Variants in WSCD1 observed in about 807,000 individuals in gnomAD.
The protein encoded by WSCD1 is WSC domain sialate O sulfotransferase 1, also known as sialate:O-sulfotransferase 1.
In WSCD1, 41 loss-of-function variants were observed where a neutral mutation model predicts 60.4. The ratio of observed to expected loss-of-function variants is 0.68; its 90% CI spans 0.53 to 0.88. WSCD1 has a LOEUF of 0.88. Ranked by LOEUF, WSCD1 falls within the 40% of genes least tolerant of loss-of-function variation. The pLI, the probability that WSCD1 is intolerant of heterozygous loss-of-function variation, is 0.00. For missense variants in WSCD1, 784 were observed against 796.2 expected (o/e 0.98, Z 0.18); for synonymous variants, 361 against 332.5 (o/e 1.09, Z -0.93).
rs189838938 is a variant in WSCD1, at chr17:6,122,721, C to T, written c.*2060C>T. 203 of 152,376 alleles carry T rather than the reference C, an allele frequency of 1.3e-3. 1 individual carries two copies. In the Middle Eastern group the frequency reaches 0.024, roughly 18 times the overall value. 9.4% of individuals were successfully genotyped at this position (152,376 alleles called of 1,614,324 possible). On this transcript the variant is annotated 3_prime_UTR_variant, in exon 9 of 9. Transcript: ENST00000317744. The stretch of plus-strand genomic sequence containing the variant: ...GTCTGGGGAGAGCAACAGCACCAGG[C>T]TTTTCCTGGTAGTTGGATTGGTACA...
In WSCD1 at chr17:6,101,931, T is replaced by C. The variant is rs1910825739; in HGVS notation, c.849+6708T>C. 6.6e-6 allele frequency among the ~76,000 whole-genome samples: 1 copy of C among 152,168 alleles called. No individual in the cohort carries two copies. The highest frequency in any genetic ancestry group is 1.5e-5 in the Non-Finnish European group (1 of 68,034). ...GGCTGATGAGCGAAATCTAACACCATCTGCAAATAGGTTACTAATGTGAGA... is the reference window on the plus strand; with the variant it reads ...GGCTGATGAGCGAAATCTAACACCACCTGCAAATAGGTTACTAATGTGAGA... On this transcript the variant is annotated intron_variant, in intron 5 of 8. Coordinates refer to ENST00000317744, the MANE Select transcript of WSCD1 (RefSeq NM_015253.2). This position sits in a 1 kb window ranked among gnomAD's most constrained non-coding sequence, Gnocchi z 4.1.
chr17:6,118,566 T>C lies in WSCD1; in HGVS notation c.1375+378T>C, dbSNP rs938381298. Among the ~76,000 whole-genome samples, 45 of 152,182 alleles carry C rather than the reference T, an allele frequency of 3.0e-4. No individual in the cohort carries two copies. The highest frequency in any genetic ancestry group is 5.9e-4 in the Non-Finnish European group (40 of 68,022). ...CACATGGGGTGCACATGGACCTGCT[T>C]TGCACCTTCCTCTGTGTTCAGCACC... On this transcript the variant is annotated intron_variant, in intron 8 of 8. Transcript: ENST00000317744. The surrounding 1 kb of genome is among the most constrained non-coding windows in gnomAD (Gnocchi z 5.8).
At chr17:6,086,793 A>G (rs1909680919) in intron 2 of WSCD1, among the ~76,000 whole-genome samples, 1 of 152,172 alleles carries the variant, frequency 6.6e-6, no homozygotes. Flanking sequence ...GCCCTGGACC[A>G]GGCTCTTGGC....
At position 6,101,288 on chromosome 17, in the gene WSCD1, T is replaced by A. The variant is rs978034038; in HGVS notation, c.849+6065T>A. 4.6e-5 allele frequency among the ~76,000 whole-genome samples: 7 copies of A among 152,066 alleles called. No homozygotes were observed. The highest frequency in any genetic ancestry group is 8.8e-5 in the Non-Finnish European group (6 of 68,018). ...TGGACTATAATACAACCATTGAAAA[T>A]GTTTTCAAAGACTTTGATGATGGAA... On this transcript the variant is annotated intron_variant, in intron 5 of 8. Transcript: ENST00000317744. This position sits in a 1 kb window ranked among gnomAD's most constrained non-coding sequence, Gnocchi z 4.1.
chr17:6,074,749 T>C (rs373864482), intron 1 of WSCD1, among the ~76,000 whole-genome samples: 3 of 152,374 alleles, frequency 2.0e-5, no homozygotes, highest in African/African-American at 7.2e-5. Flanking sequence ...GTGAGGGTGC[T>C]TGACGCCTCT....
chr17:6,072,415 G>C (rs1384136116), intron 1 of WSCD1, among the ~76,000 whole-genome samples: 1 of 152,200 alleles, frequency 6.6e-6, no homozygotes, highest in African/African-American at 2.4e-5. Context: ...AGAGCCTCCA[G>C]GCCCTGATGG....
chr17:6,075,026 G>A lies in WSCD1; in HGVS notation c.-289+4374G>A, dbSNP rs539701487. ...GAGGCTCCTGCATGTACTCTGCCCG[G>A]GTCCTGAAGCTGAGACCCCCTGGCT... On this transcript the variant is annotated intron_variant, in intron 1 of 8. Coordinates refer to ENST00000317744, the MANE Select transcript of WSCD1 (RefSeq NM_015253.2). The surrounding 1 kb of genome is among the most constrained non-coding windows in gnomAD (Gnocchi z 4.1). 6.6e-6 allele frequency among the ~76,000 whole-genome samples: 1 copy of A among 152,106 alleles called. No homozygotes were observed. Among genetic ancestry groups the A allele is most frequent in the African/African-American group, 2.4e-5 (1 of 41,422 alleles).
At position 6,120,408 on chromosome 17, in the gene WSCD1, A is replaced by G. The variant is rs751369308; in HGVS notation, c.1475A>G (p.Glu492Gly). ...GKRLLVVHYE[E>G]LRRSLVPTLR... ...CGGCTGCTGGTGGTGCACTACGAGG[A>G]GCTGCGGCGCAGCCTGGTGCCCACG... Residue 492 changes from glutamate to glycine, a missense_variant, in exon 9 of 9, where the codon GAG (glutamate) becomes GGG (glycine). By Grantham distance (98) the Glu-to-Gly change is moderately conservative. Transcript: ENST00000317744. 6.2e-7 allele frequency: 1 copy of G among 1,613,918 alleles called. No individual in the cohort carries two copies. The highest frequency in any genetic ancestry group is 1.3e-5 in the African/African-American group (1 of 74,930).
rs1911592549 is a variant in WSCD1 at position 6,114,549 on chromosome 17, A to G, written c.1175-3439A>G. Among the ~76,000 whole-genome samples the G allele has an allele frequency of 2.0e-5, 3 of 152,168 alleles. No homozygotes were observed. The South Asian group carries it at 6.2e-4, about 32-fold the overall frequency. On this transcript the variant is annotated intron_variant, in intron 7 of 8. Transcript: ENST00000317744. ...ATGATAAATGTTTGAGGCGATGGAT[A>G]TCCTAATTACTTTGATTTGATTATT... is the stretch of plus-strand genomic sequence containing the variant.
chr17:6,111,873 A>T (rs116358634), intron 7 of WSCD1, among the ~76,000 whole-genome samples: 8 of 152,186 alleles, frequency 5.3e-5, no homozygotes, highest in African/African-American at 1.9e-4. Flanking sequence ...ACAAATAGAC[A>T]ATTCAATGAA....
chr17:6,115,380 T>C (rs949672179), intron 7 of WSCD1, among the ~76,000 whole-genome samples: 1 of 152,210 alleles, frequency 6.6e-6, no homozygotes, highest in Admixed American at 6.5e-5. Flanking sequence ...ATAAAAAATG[T>C]CCAAAAATCT....
chr17:6,071,355 T>C (rs780312537), intron 1 of WSCD1, among the ~76,000 whole-genome samples: 20 of 152,070 alleles, frequency 1.3e-4, no homozygotes, highest in Non-Finnish European at 2.8e-4. Context: ...TTTGTGCGCC[T>C]GGGATGATGC....
chr17:6,109,733 G>A lies in WSCD1; in HGVS notation c.976G>A (p.Glu326Lys), dbSNP rs1317896671. 1 of 1,614,110 alleles carries A rather than the reference G, an allele frequency of 6.2e-7. No individual in the cohort carries two copies. ...GQDPEAQRLA[E>K]YCEVYQTPVQ... ...GGACCCTGAGGCACAGAGGCTGGCAGAATACTGTGAGGTCTACCAGACACC... is the reference window on the plus strand; with the variant it reads ...GGACCCTGAGGCACAGAGGCTGGCAAAATACTGTGAGGTCTACCAGACACC... Residue 326 changes from glutamate (E) to lysine (K), a missense_variant, in exon 6 of 9, where the codon GAA becomes AAA. Coordinates refer to ENST00000317744, the MANE Select transcript of WSCD1 (RefSeq NM_015253.2).
upstream of WSCD1, among the ~76,000 whole-genome samples, chr17:6,069,870 G>T (rs62053863): frequency 6.6e-6 from 1 of 151,084 alleles, no homozygotes; most frequent in South Asian, 2.1e-4. Flanking sequence ...GTACGTGTGC[G>T]TGCCTGTCAC....
chr17:6,091,910 A>G (rs1274963375), intron 4 of WSCD1, among the ~76,000 whole-genome samples: 1 of 152,178 alleles, frequency 6.6e-6, no homozygotes, highest in African/African-American at 2.4e-5. Flanking sequence ...TAATCCCAGC[A>G]CTTTGGGAGG....
chr17:6,073,240 C>T (rs1908651600), intron 1 of WSCD1, among the ~76,000 whole-genome samples: 2 of 152,222 alleles, frequency 1.3e-5, no homozygotes, highest in African/African-American at 4.8e-5. Context: ...CACCTGTTTA[C>T]CTTCCAGATT....
At chr17:6,088,292 G>C (rs187265228) in intron 3 of WSCD1, among the ~76,000 whole-genome samples, 188 bp downstream of exon 3, 1 of 152,070 alleles carries the variant, frequency 6.6e-6, no homozygotes, top group African/African-American at 2.4e-5. Context: ...GCTGGGTGCT[G>C]GGTGATGGCC....
intron 7 of WSCD1, among the ~76,000 whole-genome samples, chr17:6,114,612 C>T (rs1267371376): frequency 1.3e-5 from 2 of 151,624 alleles, no homozygotes; most frequent in South Asian, 4.2e-4. Flanking sequence ...CACATTGCAC[C>T]CCATAAAGAA....
At chr17:6,095,310 G>A in intron 5 of WSCD1, 87 bp downstream of exon 5, 1 of 1,469,696 alleles carries the variant, frequency 6.8e-7, no homozygotes, top group Middle Eastern at 1.8e-4. Flanking sequence ...TGGGCTGCGG[G>A]TGTCCCCTCT....
Sources: gnomAD v4.1 joint callset for allele counts (sites outside exome capture counted in the v4.1 genomes callset) on GRCh38, gnomAD v4.1.1 for gene constraint, Gnocchi (gnomAD v3.1) non-coding constraint, MANE v1.5 for transcripts, NCBI Gene and HGNC (gene_info 2026-07-23, HGNC 2026-07-21) for gene names.